Variants in SLC24A3 observed in about 807,000 individuals in gnomAD.
The protein encoded by SLC24A3 is sodium/potassium/calcium exchanger 3.
SLC24A3 carries 28 observed loss-of-function variants against 75.8 expected under a neutral mutation model. That is an observed-to-expected ratio of 0.37 (90% CI 0.27 to 0.51). The LOEUF (loss-of-function observed/expected upper bound fraction) is 0.51. Ranked by LOEUF, SLC24A3 falls within the 20% of genes least tolerant of loss-of-function variation. The pLI is 0.94. For missense variants in SLC24A3, 663 were observed against 847.8 expected, an observed-to-expected ratio of 0.78 and a Z score of 2.71; for synonymous variants, 372 against 334.1, an observed-to-expected ratio of 1.11 and a Z score of -1.24.
intron 2 of SLC24A3, among the ~76,000 whole-genome samples, chr20:19,502,986 T>C (rs1463602497): frequency 6.7e-6 from 1 of 150,270 alleles, no homozygotes; most frequent in Non-Finnish European, 1.5e-5. Flanking sequence ...ATGATAGTGT[T>C]ACTGCGCTCC....
intron 3 of SLC24A3, among the ~76,000 whole-genome samples, chr20:19,546,544 C>A (rs1365829883): frequency 1.3e-5 from 2 of 152,250 alleles, no homozygotes; most frequent in East Asian, 3.9e-4. Context: ...TCTTCACCTC[C>A]TCCCTGCAAG....
At chr20:19,617,690 G>A (rs1035818104) in intron 6 of SLC24A3, among the ~76,000 whole-genome samples, 2 of 152,176 alleles carry the variant, frequency 1.3e-5, no homozygotes, top group African/African-American at 4.8e-5. Context: ...CAGTGGGGAA[G>A]TTTGCTGCCC....
At chr20:19,558,862 A>G (rs2030830463) in intron 3 of SLC24A3, among the ~76,000 whole-genome samples, 1 of 152,190 alleles carries the variant, frequency 6.6e-6, no homozygotes. Context: ...TGGAAGTACT[A>G]AAGTTCGTTC....
At chr20:19,557,936 G>A (rs760370475) in intron 3 of SLC24A3, among the ~76,000 whole-genome samples, 2 of 152,156 alleles carry the variant, frequency 1.3e-5, no homozygotes, top group African/African-American at 2.4e-5. Context: ...TTTTAATGGA[G>A]TCATAACAGA....
chr20:19,577,800 T>C (rs1379159848), intron 3 of SLC24A3, among the ~76,000 whole-genome samples: 2 of 152,362 alleles, frequency 1.3e-5, no homozygotes, highest in East Asian at 3.9e-4. Context: ...ACACAATCCC[T>C]TTTAAGGGCG....
intron 2 of SLC24A3, among the ~76,000 whole-genome samples, chr20:19,451,984 T>C (rs1204536903): frequency 1.3e-5 from 2 of 152,240 alleles, no homozygotes; most frequent in East Asian, 3.9e-4. Flanking sequence ...TGCTTCAGTC[T>C]GTCCACATGT....
intron 2 of SLC24A3, among the ~76,000 whole-genome samples, chr20:19,354,879 G>A (rs1985648709): frequency 6.6e-6 from 1 of 152,094 alleles, no homozygotes; most frequent in Non-Finnish European, 1.5e-5. Flanking sequence ...TGCATGCTAG[G>A]TTCTTGCCAG....
At chr20:19,588,230 C>T (rs758830989) in intron 6 of SLC24A3, among the ~76,000 whole-genome samples, 2 of 150,296 alleles carry the variant, frequency 1.3e-5, no homozygotes, top group Non-Finnish European at 3.0e-5. Flanking sequence ...TGGAATGTTA[C>T]GGCAAAGGCT....
chr20:19,406,192 G>A (rs995400389), intron 2 of SLC24A3, among the ~76,000 whole-genome samples: 1 of 151,270 alleles, frequency 6.6e-6, no homozygotes, highest in African/African-American at 2.4e-5. Flanking sequence ...GTGTGTGTGT[G>A]TGTGTGTGTG....
At chr20:19,597,245 G>A (rs1253913617) in intron 6 of SLC24A3, among the ~76,000 whole-genome samples, 2 of 152,022 alleles carry the variant, frequency 1.3e-5, no homozygotes, top group Non-Finnish European at 2.9e-5. Flanking sequence ...GAATTAGCCA[G>A]GTGTGGTAGT....
intron 1 of SLC24A3, among the ~76,000 whole-genome samples, chr20:19,232,274 CTATT>C (rs1326512471): frequency 2.0e-5 from 3 of 152,120 alleles, no homozygotes; most frequent in African/African-American, 7.2e-5. Context: ...ATGTGACATT[CTATT>C]TATTTTGTGA....
chr20:19,470,429 G>T (rs1987850174), intron 2 of SLC24A3, among the ~76,000 whole-genome samples: 1 of 152,142 alleles, frequency 6.6e-6, no homozygotes, highest in African/African-American at 2.4e-5. Context: ...CACTGCCCAA[G>T]AATCAACAGA....
Position 19,212,968 on chromosome 20 carries a change from C to T in SLC24A3, c.126C>T (p.Ser42=). The T allele has an allele frequency of 1.5e-6, 2 of 1,303,448 alleles. No homozygotes were observed. Among genetic ancestry groups the T allele is most frequent in the Non-Finnish European group, 9.8e-7 (1 of 1,023,648 alleles). 80.7% of individuals were successfully genotyped at this position (1,303,448 alleles called of 1,614,324 possible). The stretch of plus-strand genomic sequence containing the variant: ...CGCTGCTGCTCTGGTCGCTGTCGAG[C>T]CTGCGAGAGCAGAAGGGTGAGTGCA... ...SVALLLWSLS[S]LREQKELDLM... Residue 42 remains serine, a synonymous_variant, in exon 1 of 17, where the codon AGC becomes AGT. Coordinates refer to ENST00000328041, the MANE Select transcript of SLC24A3 (RefSeq NM_020689.4).
intron 2 of SLC24A3, among the ~76,000 whole-genome samples, chr20:19,325,190 G>A (rs1984809996): frequency 6.6e-6 from 1 of 151,968 alleles, no homozygotes; most frequent in South Asian, 2.1e-4. Flanking sequence ...TACTTTGGGA[G>A]GCTGAGACAA....
chr20:19,296,074 G>A (rs1984052901), intron 2 of SLC24A3, among the ~76,000 whole-genome samples: 1 of 152,034 alleles, frequency 6.6e-6, no homozygotes, highest in African/African-American at 2.4e-5. Flanking sequence ...CTTATTCCCG[G>A]TTCAATCTTG....
intron 2 of SLC24A3, among the ~76,000 whole-genome samples, chr20:19,434,147 G>A (rs890136014): frequency 6.6e-6 from 1 of 152,184 alleles, no homozygotes; most frequent in African/African-American, 2.4e-5. Context: ...GTGGTTTACC[G>A]AACAAGATAA....
chr20:19,696,015 C>CTTTTTT lies in SLC24A3; in HGVS notation c.1492-769_1492-764dup, dbSNP rs778046824. ...ATGGCTTTCCCCTTTTTTTCCTTTT[C>CTTTTTT]TTTTTTTTTTTTTTTTTTGTGAGAC... On this transcript the variant is annotated intron_variant, in intron 13 of 16. Transcript: ENST00000328041. Among the ~76,000 whole-genome samples, 315 of 108,046 alleles carry CTTTTTT rather than the reference C, an allele frequency of 2.9e-3. 18 individuals are homozygous for CTTTTTT. The highest frequency in any genetic ancestry group is 4.3e-3 in the East Asian group (17 of 3,948). The allele number at this position is 108,046 out of a possible 152,430, so 70.9% of individuals were successfully genotyped here. A position where few individuals can be genotyped will look rare whatever the true frequency, so the allele number is the denominator to read the frequency against.
At chr20:19,285,001 C>T (rs1983772456) in intron 2 of SLC24A3, among the ~76,000 whole-genome samples, 1 of 152,090 alleles carries the variant, frequency 6.6e-6, no homozygotes, top group Non-Finnish European at 1.5e-5. Flanking sequence ...CATGCCATAC[C>T]TCAAGCCTTC....
At chr20:19,551,865 C>G (rs534535384) in intron 3 of SLC24A3, among the ~76,000 whole-genome samples, 1 of 152,264 alleles carries the variant, frequency 6.6e-6, no homozygotes, top group Admixed American at 6.5e-5. Context: ...TCTCAGCTGC[C>G]TGATCTATCA....
Sources: gnomAD v4.1 joint callset for allele counts (sites outside exome capture counted in the v4.1 genomes callset) on GRCh38, gnomAD v4.1.1 for gene constraint, MANE v1.5 for transcripts, NCBI Gene and HGNC (gene_info 2026-07-23, HGNC 2026-07-21) for gene names.